TBC1D22A: variants seen among roughly 807,000 people sequenced by gnomAD.
TBC1D22A encodes putative GTPase activator.
TBC1D22A carries 38 observed loss-of-function variants against 60.2 expected under a neutral mutation model. The observed-to-expected ratio is 0.63, with a 90% CI of 0.49 to 0.83. TBC1D22A has a LOEUF of 0.83. Among genes scored for constraint, TBC1D22A ranks in the 40% least tolerant of loss-of-function variants. The pLI, the probability that TBC1D22A is intolerant of heterozygous loss-of-function variation, is 0.00. For missense variants in TBC1D22A, 628 were observed against 701.0 expected (o/e 0.90, Z 1.18); for synonymous variants, 302 against 281.7 (o/e 1.07, Z -0.72).
intron 11 of TBC1D22A, among the ~76,000 whole-genome samples, chr22:47,102,271 CCTTGCG>C (rs1280261975): frequency 1.3e-5 from 2 of 152,296 alleles, no homozygotes; most frequent in Admixed American, 1.3e-4. Context: ...CCAGAAGTGG[CCTTGCG>C]CTACGCACCT....
intron 9 of TBC1D22A, among the ~76,000 whole-genome samples, chr22:46,983,002 A>G (rs903550019): frequency 1.3e-5 from 2 of 152,236 alleles, no homozygotes; most frequent in African/African-American, 4.8e-5. Flanking sequence ...GCACCGCAGT[A>G]AGAAGCATTA....
chr22:47,032,553 C>T (rs1415529968), intron 10 of TBC1D22A, among the ~76,000 whole-genome samples: 1 of 152,214 alleles, frequency 6.6e-6, no homozygotes, highest in African/African-American at 2.4e-5. Context: ...GTAGCCCTGT[C>T]TAAAGCTCGC....
At chr22:46,825,061 A>G (rs1193611647) in intron 4 of TBC1D22A, among the ~76,000 whole-genome samples, 2 of 152,068 alleles carry the variant, frequency 1.3e-5, no homozygotes, top group South Asian at 2.1e-4. Flanking sequence ...GCTTGGGTCA[A>G]TACATTTTTA....
At chr22:46,887,585 G>A (rs564328104) in intron 5 of TBC1D22A, among the ~76,000 whole-genome samples, 1 of 152,324 alleles carries the variant, frequency 6.6e-6, no homozygotes, top group East Asian at 1.9e-4. Flanking sequence ...GTGGAGGAAG[G>A]AACTACTGTT....
intron 7 of TBC1D22A, among the ~76,000 whole-genome samples, chr22:46,904,481 T>C (rs2069300436): frequency 6.6e-6 from 1 of 151,852 alleles, no homozygotes; most frequent in South Asian, 2.1e-4. Flanking sequence ...CGAATTTTTT[T>C]TTTTTGAGAC....
intron 7 of TBC1D22A, among the ~76,000 whole-genome samples, chr22:46,899,418 G>T (rs1195412566): frequency 1.3e-5 from 2 of 151,692 alleles, no homozygotes; most frequent in African/African-American, 4.9e-5. Context: ...CTGCACTCCA[G>T]CCTGGGTGAC....
chr22:46,878,326 A>AGAGAAGGAGGTGGGAGGGG (rs2067668020), intron 4 of TBC1D22A, among the ~76,000 whole-genome samples: 3 of 7,228 alleles, frequency 4.2e-4, no homozygotes, highest in African/African-American at 9.0e-4. Flanking sequence ...TGGGAGGGAG[A>AGAGAAGGAGGTGGGAGGGG]GAGAGAAGGA....
intron 3 of TBC1D22A, among the ~76,000 whole-genome samples, chr22:46,795,455 AGATGTCACCCTGG>A (rs913206406): frequency 5.1e-4 from 78 of 152,244 alleles, no homozygotes; most frequent in Admixed American, 2.2e-3. Context: ...GGGAGCTATG[AGATGTCACCCTGG>A]GATGTCACCC....
intron 11 of TBC1D22A, among the ~76,000 whole-genome samples, chr22:47,095,120 G>A (rs2065122591): frequency 6.6e-6 from 1 of 152,236 alleles, no homozygotes; most frequent in African/African-American, 2.4e-5. Flanking sequence ...TAAAATGGCT[G>A]TGCTCTGCAT....
chr22:47,133,695 T>C (rs894253390), intron 12 of TBC1D22A, among the ~76,000 whole-genome samples: 4 of 152,156 alleles, frequency 2.6e-5, no homozygotes, highest in Non-Finnish European at 4.4e-5. Context: ...CTCTCCCTTG[T>C]TGGCTGTCAG....
At chr22:47,092,354 G>C (rs2065009752) in intron 11 of TBC1D22A, among the ~76,000 whole-genome samples, 2 of 152,138 alleles carry the variant, frequency 1.3e-5, no homozygotes, top group African/African-American at 4.8e-5. Flanking sequence ...CAGTGAAGAG[G>C]GACAGGACTC....
intron 12 of TBC1D22A, among the ~76,000 whole-genome samples, chr22:47,127,394 AT>A (rs11387235): frequency 0.034 from 4,144 of 122,426 alleles, 158 homozygotes; most frequent in African/African-American, 0.11. Flanking sequence ...CGCCCAGCTG[AT>A]TTTTTTTTTT....
At chr22:46,851,273 C>T (rs899754318) in intron 4 of TBC1D22A, among the ~76,000 whole-genome samples, 2 of 152,236 alleles carry the variant, frequency 1.3e-5, no homozygotes, top group African/African-American at 4.8e-5. Context: ...TAGTAGACCA[C>T]GAGACACAGC....
intron 12 of TBC1D22A, among the ~76,000 whole-genome samples, chr22:47,136,551 C>T (rs1015450785): frequency 1.4e-5 from 2 of 143,200 alleles, no homozygotes; most frequent in Non-Finnish European, 3.1e-5. Context: ...TGGCCAGACC[C>T]GGGGACGGGG....
chr22:46,986,794 T>C (rs2074741409), intron 9 of TBC1D22A, among the ~76,000 whole-genome samples: 1 of 152,202 alleles, frequency 6.6e-6, no homozygotes, highest in Admixed American at 6.5e-5. Flanking sequence ...TCCCAAACCC[T>C]CTGACTGGAG....
intron 10 of TBC1D22A, among the ~76,000 whole-genome samples, chr22:46,999,319 T>C (rs8139923): frequency 0.36 from 54,025 of 152,074 alleles, 10,038 homozygotes; most frequent in African/African-American, 0.47. Flanking sequence ...TTCAGCGCAG[T>C]CTCTGAGTAG....
intron 4 of TBC1D22A, among the ~76,000 whole-genome samples, chr22:46,863,213 C>T (rs1274012442): frequency 6.6e-6 from 1 of 152,140 alleles, no homozygotes; most frequent in African/African-American, 2.4e-5. Flanking sequence ...GACAAGCAGC[C>T]AGGAGGTGGC....
intron 4 of TBC1D22A, among the ~76,000 whole-genome samples, chr22:46,820,645 C>T (rs1184064219): frequency 6.6e-6 from 1 of 152,160 alleles, no homozygotes; most frequent in East Asian, 1.9e-4. Flanking sequence ...TGTTTTACTT[C>T]CAATTATGTG....
chr22:46,917,372 C>CGGA (rs1039818025), intron 8 of TBC1D22A, among the ~76,000 whole-genome samples: 4 of 152,196 alleles, frequency 2.6e-5, no homozygotes, highest in African/African-American at 9.6e-5. Flanking sequence ...GACTCGCTGA[C>CGGA]GGAGGACTGG....
Sources: gnomAD v4.1 joint callset for allele counts (sites outside exome capture counted in the v4.1 genomes callset) on GRCh38, gnomAD v4.1.1 for gene constraint, MANE v1.5 for transcripts, NCBI Gene and HGNC (gene_info 2026-07-23, HGNC 2026-07-21) for gene names.